Variants in ANLN observed in about 807,000 individuals in gnomAD.
ANLN encodes anillin.
A neutral mutation model predicts 135.1 loss-of-function variants in ANLN; 59 were observed. That is an observed-to-expected ratio of 0.44 (90% CI 0.35 to 0.54). The LOEUF (loss-of-function observed/expected upper bound fraction) is 0.54, where lower values mean the gene tolerates loss of function less well. Ranked by LOEUF, ANLN falls within the 20% of genes least tolerant of loss-of-function variation. The pLI, the probability that ANLN is intolerant of heterozygous loss-of-function variation, is 0.00. For missense variants in ANLN, 1,182 were observed against 1,340.0 expected, an observed-to-expected ratio of 0.88 and a Z score of 1.84; for synonymous variants, 406 against 456.4, an observed-to-expected ratio of 0.89 and a Z score of 1.41.
chr7:36,425,293 C>CTT lies in ANLN; in HGVS notation c.2710-391_2710-390dup, dbSNP rs1221400271. Among the ~76,000 whole-genome samples, 173 of 123,588 alleles carry CTT rather than the reference C, an allele frequency of 1.4e-3. 2 individuals carry two copies. Among genetic ancestry groups the CTT allele is most frequent in the Middle Eastern group, 4.3e-3 (1 of 232 alleles). 81.1% of individuals were successfully genotyped at this position (123,588 alleles called of 152,430 possible). On this transcript the variant is annotated intron_variant, in intron 17 of 23. Coordinates refer to ENST00000265748, the MANE Select transcript of ANLN (RefSeq NM_018685.5). ...ATGTATTCATATTTAAGAACTCATT[C>CTT]TTTTTTTTTTTTTTTTTTTGAGACG...
At chr7:36,435,268 A>ACAGG (rs1249396314) in intron 20 of ANLN, among the ~76,000 whole-genome samples, 1 of 152,170 alleles carries the variant, frequency 6.6e-6, no homozygotes, top group African/African-American at 2.4e-5. Flanking sequence ...CCCAGCCACT[A>ACAGG]CAGGCAACCA....
chr7:36,442,942 G>T (rs1161386181), intron 21 of ANLN, among the ~76,000 whole-genome samples: 2 of 147,508 alleles, frequency 1.4e-5, no homozygotes, highest in South Asian at 2.1e-4. Flanking sequence ...TTTGTTTGTT[G>T]TTTTTTTTTT....
intron 21 of ANLN, among the ~76,000 whole-genome samples, chr7:36,440,480 A>T (rs1384982840): frequency 6.6e-6 from 1 of 152,170 alleles, no homozygotes; most frequent in African/African-American, 2.4e-5. Flanking sequence ...GGAGCTTGGA[A>T]ACTCTTGGAA....
intron 5 of ANLN, among the ~76,000 whole-genome samples, chr7:36,409,694 G>C (rs1247431669): frequency 6.6e-6 from 1 of 152,004 alleles, no homozygotes; most frequent in Non-Finnish European, 1.5e-5. Flanking sequence ...TTTTGAGACA[G>C]GGTCTCACTT....
intron 21 of ANLN, among the ~76,000 whole-genome samples, chr7:36,442,133 T>A (rs1158499415): frequency 6.6e-6 from 1 of 152,232 alleles, no homozygotes; most frequent in African/African-American, 2.4e-5. Flanking sequence ...AGAGTGTATA[T>A]CCTATTGTCA....
At position 36,424,678 on chromosome 7, in the gene ANLN, G is replaced by T; in HGVS notation, c.2653-8G>T. ...TATAAATTAATTATGCTTTGGGTTT[G>T]TGCGTAGGTGCAAAAGAAAGATCCC... On this transcript the variant is annotated splice_polypyrimidine_tract_variant and splice_region_variant and intron_variant, in intron 16 of 23. Coordinates refer to ENST00000265748, the MANE Select transcript of ANLN (RefSeq NM_018685.5). 1 of 1,611,676 alleles carries T rather than the reference G, an allele frequency of 6.2e-7. No individual in the cohort carries two copies. The highest frequency in any genetic ancestry group is 8.5e-7 in the Non-Finnish European group (1 of 1,179,056).
rs1295851624 is a variant in ANLN, at chr7:36,412,333, T to A, written c.1395+1167T>A. Among the ~76,000 whole-genome samples, 824 of 119,116 alleles carry A rather than the reference T, an allele frequency of 6.9e-3. 9 individuals carry two copies. The highest frequency in any genetic ancestry group is 0.023 in the African/African-American group (753 of 32,438). 78.1% of individuals were successfully genotyped at this position (119,116 alleles called of 152,430 possible). A position where few individuals can be genotyped will look rare whatever the true frequency, so the allele number is the denominator to read the frequency against. On this transcript the variant is annotated intron_variant, in intron 7 of 23. Coordinates refer to ENST00000265748, the MANE Select transcript of ANLN (RefSeq NM_018685.5). ...TATATATATATATATATATATTTTT[T>A]TTTTTTTTTTTTGACATGGAGTTTC...
intron 2 of ANLN, among the ~76,000 whole-genome samples, chr7:36,398,023 G>A (rs936670129): frequency 1.3e-5 from 2 of 152,204 alleles, no homozygotes; most frequent in African/African-American, 4.8e-5. Flanking sequence ...ATTTATCCCT[G>A]ATACTACTTT....
chr7:36,447,400 A>C (rs1789049462), intron 22 of ANLN, among the ~76,000 whole-genome samples: 1 of 149,246 alleles, frequency 6.7e-6, no homozygotes, highest in Admixed American at 6.7e-5. Context: ...CAAGCACTGC[A>C]TACTACAGCA....
intron 6 of ANLN, among the ~76,000 whole-genome samples, 164 bp downstream of exon 6, chr7:36,410,868 C>T (rs751408554): frequency 7.2e-5 from 11 of 152,050 alleles, no homozygotes; most frequent in East Asian, 1.9e-4. Flanking sequence ...GTGGTATGGC[C>T]GTAGACAGTA....
intron 3 of ANLN, among the ~76,000 whole-genome samples, chr7:36,403,076 C>T (rs1787026657): frequency 6.6e-6 from 1 of 152,094 alleles, no homozygotes; most frequent in Admixed American, 6.6e-5. Context: ...GAGATCGCGC[C>T]ATTACATTCC....
chr7:36,445,759 T>C (rs1788970075), intron 22 of ANLN, among the ~76,000 whole-genome samples: 1 of 152,226 alleles, frequency 6.6e-6, no homozygotes, highest in Non-Finnish European at 1.5e-5. Context: ...ATTGCTGGGT[T>C]GTAGGGTTTG....
Position 36,406,301 on chromosome 7 carries a change from C to A in ANLN, c.608C>A (p.Ala203Asp). The A allele has an allele frequency of 6.2e-7, 1 of 1,614,164 alleles. No homozygotes were observed. Among genetic ancestry groups the A allele is most frequent in the Non-Finnish European group, 8.5e-7 (1 of 1,179,990 alleles). ...CCAGTTGGCAGAAGGGGCCGTCTGGCCAATCTTGCTGCAACTATTTGCTCC... is the reference window on the plus strand; with the variant it reads ...CCAGTTGGCAGAAGGGGCCGTCTGGACAATCTTGCTGCAACTATTTGCTCC... ...ATPVGRRGRLANLAATICSWE... is the reference protein window; with the variant it reads ...ATPVGRRGRLDNLAATICSWE... Residue 203 changes from alanine (A) to aspartate (D), a missense_variant, in exon 4 of 24, where the codon GCC (alanine) becomes GAC (aspartate). Around this residue, in one of 3 missense-constraint regions of ANLN, gnomAD observed 1,022 missense variants for 1,134.0 expected, o/e 0.90. Coordinates refer to ENST00000265748, the MANE Select transcript of ANLN (RefSeq NM_018685.5).
chr7:36,423,709 G>A (rs1583629433), intron 14 of ANLN, 108 bp from the exon 15 acceptor site: 3 of 1,026,704 alleles, frequency 2.9e-6, no homozygotes, highest in South Asian at 2.4e-5. Context: ...AAAATAAATT[G>A]TATATAAATC....
At chr7:36,420,564 G>C (rs773890053) in intron 11 of ANLN, 33 bp from the exon 12 acceptor site, 1 of 1,580,782 alleles carries the variant, frequency 6.3e-7, no homozygotes, top group East Asian at 2.2e-5. Context: ...TGTGTTGCTG[G>C]ATTTCTAATA....
intron 21 of ANLN, among the ~76,000 whole-genome samples, chr7:36,442,369 C>G (rs886974913): frequency 4.6e-5 from 7 of 152,158 alleles, no homozygotes; most frequent in African/African-American, 1.7e-4. Context: ...AGCACAGCAG[C>G]CCTCACTGAC....
chr7:36,450,053 A>C (rs936727598), intron 23 of ANLN, among the ~76,000 whole-genome samples: 1 of 152,204 alleles, frequency 6.6e-6, no homozygotes, highest in South Asian at 2.1e-4. Context: ...ATCTTAGCTA[A>C]TGTTTTCCAG....
chr7:36,416,332 A>G (rs1238543358), intron 8 of ANLN, among the ~76,000 whole-genome samples: 2 of 152,134 alleles, frequency 1.3e-5, no homozygotes, highest in African/African-American at 2.4e-5. Context: ...GGTTTTCTAC[A>G]TGTAAGATCC....
intron 22 of ANLN, among the ~76,000 whole-genome samples, chr7:36,444,410 A>G (rs1788908906): frequency 6.6e-6 from 1 of 152,012 alleles, no homozygotes; most frequent in South Asian, 2.1e-4. Flanking sequence ...CTTAACATGT[A>G]TATTTTTCCT....
Sources: allele counts gnomAD v4.1 joint callset (sites outside exome capture counted in the v4.1 genomes callset), GRCh38; gene constraint gnomAD v4.1.1; regional missense constraint gnomAD v4.1.1; transcripts MANE v1.5; gene names NCBI Gene and HGNC (gene_info 2026-07-23, HGNC 2026-07-21).